The following SLC25A21 variants were observed in gnomAD, a reference collection of about 807,000 sequenced individuals.
The protein encoded by SLC25A21 is mitochondrial 2-oxodicarboxylate carrier.
In SLC25A21, 47 loss-of-function variants were observed where a neutral mutation model predicts 43.8. That is an observed-to-expected ratio of 1.07 (90% CI 0.85 to 1.37). The LOEUF is 1.37. SLC25A21 is among the 40% of genes most tolerant of loss of function. SLC25A21 has a pLI of 0.00. For synonymous variants in SLC25A21, 131 were observed against 121.3 expected (o/e 1.08, Z -0.52); for missense variants, 352 against 350.2 (o/e 1.00, Z -0.04).
chr14:37,140,805 C>T (rs1447133989), intron 1 of SLC25A21, among the ~76,000 whole-genome samples: 4 of 151,834 alleles, frequency 2.6e-5, no homozygotes, highest in Admixed American at 2.6e-4. Context: ...TAAGAAATCC[C>T]TTTGGAAAAG....
intron 1 of SLC25A21, among the ~76,000 whole-genome samples, chr14:37,096,081 G>C (rs531630864): frequency 2.7e-4 from 41 of 152,152 alleles, no homozygotes; most frequent in Middle Eastern, 3.4e-3. Flanking sequence ...AAAGAGTGAA[G>C]AACAGTTCCA....
At chr14:36,864,148 C>T (rs1020081050) in intron 2 of SLC25A21, among the ~76,000 whole-genome samples, 5 of 151,890 alleles carry the variant, frequency 3.3e-5, no homozygotes, top group Admixed American at 2.0e-4. Flanking sequence ...ATTTTCTCTT[C>T]GTTTTAGGGT....
chr14:36,821,235 C>T (rs1354873488), intron 2 of SLC25A21, among the ~76,000 whole-genome samples: 1 of 152,134 alleles, frequency 6.6e-6, no homozygotes, highest in Non-Finnish European at 1.5e-5. Context: ...AATCACCACC[C>T]AAGAGAAGAA....
At chr14:37,128,577 T>TGTGTGTGTGTGTGC (rs1024661078) in intron 1 of SLC25A21, among the ~76,000 whole-genome samples, 19 of 149,280 alleles carry the variant, frequency 1.3e-4, no homozygotes, top group African/African-American at 4.8e-4. Flanking sequence ...TGTGTGTGTG[T>TGTGTGTGTGTGTGC]GCATTTTGCT....
intron 1 of SLC25A21, among the ~76,000 whole-genome samples, chr14:36,985,779 CCTTTT>C (rs1242971379): frequency 6.6e-6 from 1 of 152,086 alleles, no homozygotes; most frequent in African/African-American, 2.4e-5. Flanking sequence ...GTAAAAAGAT[CCTTTT>C]CTTATCTCCA....
At chr14:36,695,717 A>G (rs1695190121) in intron 7 of SLC25A21, among the ~76,000 whole-genome samples, 1 of 151,454 alleles carries the variant, frequency 6.6e-6, no homozygotes, top group South Asian at 2.1e-4. Flanking sequence ...CTGTCTGTTA[A>G]TGGAGTATAG....
intron 7 of SLC25A21, among the ~76,000 whole-genome samples, chr14:36,694,837 A>T (rs527688487): frequency 6.6e-6 from 1 of 151,808 alleles, no homozygotes; most frequent in African/African-American, 2.4e-5. Context: ...GATTGCAAAA[A>T]TTTTCTCCCA....
intron 1 of SLC25A21, among the ~76,000 whole-genome samples, chr14:37,091,595 C>T (rs1482378246): frequency 1.3e-5 from 2 of 152,194 alleles, no homozygotes; most frequent in African/African-American, 2.4e-5. Flanking sequence ...CAGAGTATCA[C>T]CTTGTTCAGC....
intron 1 of SLC25A21, among the ~76,000 whole-genome samples, chr14:36,903,761 C>G (rs999708288): frequency 3.3e-5 from 5 of 151,010 alleles, no homozygotes; most frequent in Admixed American, 6.6e-5. Flanking sequence ...CACCATTCAA[C>G]AACCTGCTGG....
At chr14:36,944,974 C>T (rs1482250105) in intron 1 of SLC25A21, among the ~76,000 whole-genome samples, 2 of 152,126 alleles carry the variant, frequency 1.3e-5, no homozygotes, top group Non-Finnish European at 2.9e-5. Flanking sequence ...TGAGAACATG[C>T]CAAATCATGT....
At chr14:37,126,310 T>C (rs1253337928) in intron 1 of SLC25A21, among the ~76,000 whole-genome samples, 3 of 152,158 alleles carry the variant, frequency 2.0e-5, no homozygotes, top group Admixed American at 2.0e-4. Context: ...ATTGGTGATT[T>C]ACCAAAGCCA....
intron 2 of SLC25A21, among the ~76,000 whole-genome samples, chr14:36,840,630 T>C (rs1389713085): frequency 6.6e-6 from 1 of 152,238 alleles, no homozygotes; most frequent in Non-Finnish European, 1.5e-5. Flanking sequence ...ATAACATCGA[T>C]TTCCTTAGAC....
At chr14:36,847,915 G>GA (rs68064771) in intron 2 of SLC25A21, among the ~76,000 whole-genome samples, 37,152 of 152,098 alleles carry the variant, frequency 0.24, 4,952 homozygotes, top group Middle Eastern at 0.31. Flanking sequence ...GAAGCGGTAT[G>GA]AAGGCTGGGC....
intron 9 of SLC25A21, among the ~76,000 whole-genome samples, chr14:36,682,000 C>T (rs2139135105): frequency 6.6e-6 from 1 of 152,236 alleles, no homozygotes; most frequent in Middle Eastern, 3.4e-3. Flanking sequence ...GGCCTAGTAA[C>T]AGTTGAGGTT....
At position 37,060,404 on chromosome 14, in the gene SLC25A21, T is replaced by A. The variant is rs189488643; in HGVS notation, c.70+111877A>T. Among the ~76,000 whole-genome samples, 1,330 of 147,060 alleles carry A rather than the reference T, an allele frequency of 9.0e-3. 9 individuals are homozygous for A. The highest frequency in any genetic ancestry group is 0.054 in the Middle Eastern group (15 of 278). ...CTAATAATAATAATAATAATAATAA[T>A]AATAATAATAATAATAATAATGATG... On this transcript the variant is annotated intron_variant, in intron 1 of 9. Transcript: ENST00000331299.
intron 1 of SLC25A21, among the ~76,000 whole-genome samples, chr14:37,080,888 C>T (rs1381743393): frequency 6.6e-6 from 1 of 152,140 alleles, no homozygotes; most frequent in African/African-American, 2.4e-5. Context: ...GCAGGGTCAA[C>T]TTCCAGGCCC....
chr14:37,164,717 T>C (rs930547838), intron 1 of SLC25A21, among the ~76,000 whole-genome samples: 11 of 152,198 alleles, frequency 7.2e-5, no homozygotes, highest in African/African-American at 2.4e-4. Flanking sequence ...AATGAAGATA[T>C]GTAAGAAATT....
At chr14:36,791,181 T>C (rs1378120437) in intron 3 of SLC25A21, among the ~76,000 whole-genome samples, 1 of 152,154 alleles carries the variant, frequency 6.6e-6, no homozygotes, top group Non-Finnish European at 1.5e-5. Flanking sequence ...AAGTTGCTAA[T>C]TATCTAATAC....
In SLC25A21 at chr14:36,908,353, C is replaced by T. The variant is rs1891590550; in HGVS notation, c.71-33349G>A. Among the ~76,000 whole-genome samples the T allele has an allele frequency of 3.9e-5, 6 of 152,306 alleles. No individual in the cohort carries two copies. The South Asian group carries it at 1.2e-3, about 32-fold the overall frequency. On this transcript the variant is annotated intron_variant, in intron 1 of 9. Coordinates refer to ENST00000331299, the MANE Select transcript of SLC25A21 (RefSeq NM_030631.4). ...GCTCAATTTTGCTGTGAAGATAAAACTTCCCTAAAAAGTCATCTATTTAAA... is the reference window on the plus strand; with the variant it reads ...GCTCAATTTTGCTGTGAAGATAAAATTTCCCTAAAAAGTCATCTATTTAAA...
Sources: gnomAD v4.1 joint callset for allele counts (sites outside exome capture counted in the v4.1 genomes callset) on GRCh38, gnomAD v4.1.1 for gene constraint, MANE v1.5 for transcripts, NCBI Gene and HGNC (gene_info 2026-07-23, HGNC 2026-07-21) for gene names.